The following ABR variants were observed in gnomAD, a reference collection of about 807,000 sequenced individuals.
The protein encoded by ABR is active breakpoint cluster region-related protein.
A neutral mutation model predicts 107.2 loss-of-function variants in ABR; 35 were observed. The observed-to-expected ratio is 0.33, with a 90% CI of 0.25 to 0.43. ABR has a LOEUF of 0.43. ABR is among the 20% of genes least tolerant of loss of function. ABR has a pLI of 1.00. For synonymous variants in ABR, 498 were observed against 462.0 expected, an observed-to-expected ratio of 1.08 and a Z score of -1.00; for missense variants, 815 against 1,115.2, an observed-to-expected ratio of 0.73 and a Z score of 3.83.
rs771134935 is a variant in ABR at position 1,083,486 on chromosome 17, G to T, written c.639+34C>A. On this transcript the variant is annotated intron_variant, in intron 5 of 22. Transcript: ENST00000302538. ...CTCTGAGCAGCCCCCAAAGCTCCTT[G>T]TCCCTCAGGGTGGCTATGTGGGGAG... The T allele has an allele frequency of 2.6e-6, 4 of 1,513,848 alleles. No homozygotes were observed. In the Admixed American group the frequency reaches 7.4e-5, roughly 28 times the overall value. The allele number at this position is 1,513,848 out of a possible 1,614,324, so 93.8% of individuals were successfully genotyped here. A position where few individuals can be genotyped will look rare whatever the true frequency, so the allele number is the denominator to read the frequency against.
rs557095170 is a variant in ABR, at chr17:1,092,906, G to A, written c.346-1056C>T. Among the ~76,000 whole-genome samples, 52 of 50,154 alleles carry A rather than the reference G, an allele frequency of 1.0e-3. No homozygotes were observed. The East Asian group carries it at 0.038, about 37-fold the overall frequency. The allele number at this position is 50,154 out of a possible 152,430, so 32.9% of individuals were successfully genotyped here. On this transcript the variant is annotated intron_variant, in intron 3 of 22. Transcript: ENST00000302538. This position sits in a 1 kb window ranked among gnomAD's most constrained non-coding sequence, Gnocchi z 4.6. The stretch of plus-strand genomic sequence containing the variant: ...AGTGCAGTGGTGCGATCTCGGCTCC[G>A]CCTCCCGGGTTCACGCCATTCTCCT...
intron 16 of ABR, among the ~76,000 whole-genome samples, chr17:1,015,296 G>A (rs1204245628): frequency 1.3e-5 from 2 of 151,372 alleles, no homozygotes; most frequent in Non-Finnish European, 2.9e-5. Flanking sequence ...GGGCACTGTA[G>A]TCCAAGCTAC....
intron 5 of ABR, among the ~76,000 whole-genome samples, chr17:1,083,103 G>T (rs2259393): frequency 0.13 from 17,463 of 136,064 alleles, 2,198 homozygotes; most frequent in African/African-American, 0.32. Context: ...CAGCCTGGGC[G>T]ACAGAGCAAG....
At chr17:1,167,781 G>A (rs575568878) in intron 1 of ABR, among the ~76,000 whole-genome samples, 12 of 152,342 alleles carry the variant, frequency 7.9e-5, no homozygotes, top group South Asian at 2.1e-4. Context: ...ATTCTCCCTC[G>A]TGCCTCTAAG....
At chr17:1,205,956 A>C (rs1281212489) in intron 1 of ABR, among the ~76,000 whole-genome samples, 1 of 151,836 alleles carries the variant, frequency 6.6e-6, no homozygotes, top group Non-Finnish European at 1.5e-5. Context: ...AAGAAAAAAA[A>C]AATACAAAAA....
chr17:1,048,564 C>T (rs921909832), intron 16 of ABR, among the ~76,000 whole-genome samples: 4 of 152,090 alleles, frequency 2.6e-5, no homozygotes, highest in Non-Finnish European at 5.9e-5. Context: ...AGAAGCTCGG[C>T]GCCCAGCTGC....
Position 1,058,859 on chromosome 17 carries a change from G to A in ABR, c.1191C>T (p.Asn397=). ...LKSEIQKEKA[N]KGQSRAIERL... ...GCTCGATGGCCCGGCTCTGGCCTTTGTTGGCTTTCTGCAGGAGATGGGGAC... is the reference window on the plus strand; with the variant it reads ...GCTCGATGGCCCGGCTCTGGCCTTTATTGGCTTTCTGCAGGAGATGGGGAC... Residue 397 remains asparagine (N), a synonymous_variant, in exon 11 of 23, where the codon AAC becomes AAT. Coordinates refer to ENST00000302538, the MANE Select transcript of ABR (RefSeq NM_021962.5). The A allele has an allele frequency of 6.2e-7, 1 of 1,614,150 alleles. No homozygotes were observed. Among genetic ancestry groups the A allele is most frequent in the Non-Finnish European group, 8.5e-7 (1 of 1,180,018 alleles).
intron 18 of ABR, chr17:1,012,298 TGAG>T (rs746825591): frequency 6.8e-5 from 43 of 629,402 alleles, no homozygotes; most frequent in African/African-American, 4.1e-4. Context: ...GCAGCCCACA[TGAG>T]GAGGTGGGTC....
rs532335697 is a variant in ABR, at chr17:1,092,632, G to A, written c.346-782C>T. Reference sequence around the variant, plus strand: ...CAGTGGGACCGTGGGATAACGGGACGTGCAGGCATTTCCTCAGTGTGGTTC... The same window carrying A: ...CAGTGGGACCGTGGGATAACGGGACATGCAGGCATTTCCTCAGTGTGGTTC... On this transcript the variant is annotated intron_variant, in intron 3 of 22. Coordinates refer to ENST00000302538, the MANE Select transcript of ABR (RefSeq NM_021962.5). This position sits in a 1 kb window ranked among gnomAD's most constrained non-coding sequence, Gnocchi z 4.6. Among the ~76,000 whole-genome samples the A allele has an allele frequency of 2.8e-4, 42 of 152,166 alleles. No homozygotes were observed. Among genetic ancestry groups the A allele is most frequent in the African/African-American group, 8.2e-4 (34 of 41,542 alleles).
intron 3 of ABR, among the ~76,000 whole-genome samples, chr17:1,096,697 C>T (rs377068382): frequency 8.7e-5 from 13 of 149,274 alleles, no homozygotes; most frequent in African/African-American, 2.2e-4. Flanking sequence ...GAACCCGCCC[C>T]GGGAGGAGAG....
chr17:1,161,933 A>T (rs1489483337), intron 1 of ABR, among the ~76,000 whole-genome samples: 2 of 152,174 alleles, frequency 1.3e-5, no homozygotes, highest in Non-Finnish European at 2.9e-5. Context: ...GCTAATGGTA[A>T]TCATAGCACC....
In ABR at chr17:1,004,249, G is replaced by A. The variant is rs2069856927; in HGVS notation, c.*1831C>T. ...TTCACCGCCTTTCCCAGGGAGCAAG[G>A]GCTCCTTGCTAAGCTGCTCACAGGC... On this transcript the variant is annotated 3_prime_UTR_variant, in exon 23 of 23. Coordinates refer to ENST00000302538, the MANE Select transcript of ABR (RefSeq NM_021962.5). The A allele has an allele frequency of 6.6e-6, 1 of 152,310 alleles. No individual in the cohort carries two copies. Among genetic ancestry groups the A allele is most frequent in the South Asian group, 2.1e-4 (1 of 4,836 alleles). The allele number at this position is 152,310 out of a possible 1,614,324, so 9.4% of individuals were successfully genotyped here.
intron 10 of ABR, among the ~76,000 whole-genome samples, chr17:1,062,118 A>C (rs2034024650): frequency 6.6e-6 from 1 of 152,182 alleles, no homozygotes; most frequent in Admixed American, 6.5e-5. Flanking sequence ...AAACAGACCA[A>C]GCTGACCAAA....
intron 1 of ABR, among the ~76,000 whole-genome samples, chr17:1,193,846 A>G (rs1353665586): frequency 6.6e-6 from 1 of 151,296 alleles, no homozygotes; most frequent in Non-Finnish European, 1.5e-5. Flanking sequence ...ACCCGCCACC[A>G]CGCCCAGCTA....
intron 1 of ABR, chr17:1,228,670 G>T (rs1197618308): frequency 1.3e-5 from 2 of 151,948 alleles, no homozygotes; most frequent in Non-Finnish European, 2.9e-5. Flanking sequence ...CCTCCTTCCC[G>T]CCCGCTCCCC....
chr17:1,041,711 G>A (rs567247891), intron 16 of ABR, among the ~76,000 whole-genome samples: 43 of 152,258 alleles, frequency 2.8e-4, no homozygotes, highest in African/African-American at 5.3e-4. Flanking sequence ...CAGCCTGGGC[G>A]ACAGAGAGAG....
At chr17:1,192,920 C>T (rs998093670) in intron 1 of ABR, among the ~76,000 whole-genome samples, 2 of 152,082 alleles carry the variant, frequency 1.3e-5, no homozygotes, top group Non-Finnish European at 2.9e-5. Flanking sequence ...TGGTGGCGGG[C>T]GCCTGTAATC....
intron 5 of ABR, among the ~76,000 whole-genome samples, chr17:1,080,374 A>G (rs980719456): frequency 4.6e-5 from 7 of 152,164 alleles, no homozygotes; most frequent in African/African-American, 1.7e-4. Context: ...CATCTGCTCC[A>G]AGCCTCTTTA....
intron 1 of ABR, among the ~76,000 whole-genome samples, chr17:1,132,358 T>C (rs2039882386): frequency 6.7e-6 from 1 of 149,498 alleles, no homozygotes; most frequent in Non-Finnish European, 1.5e-5. Flanking sequence ...ATTATGATAA[T>C]ACTTGAATAC....
Sources: allele counts gnomAD v4.1 joint callset (sites outside exome capture counted in the v4.1 genomes callset), GRCh38; gene constraint gnomAD v4.1.1; non-coding constraint Gnocchi (gnomAD v3.1); transcripts MANE v1.5; gene names NCBI Gene and HGNC (gene_info 2026-07-23, HGNC 2026-07-21).